The following HERC4 variants were observed in gnomAD, a reference collection of about 807,000 sequenced individuals.
HERC4 encodes probable E3 ubiquitin-protein ligase HERC4.
HERC4 carries 28 observed loss-of-function variants against 124.3 expected under a neutral mutation model. That is an observed-to-expected ratio of 0.23 (90% CI 0.17 to 0.31). The LOEUF (loss-of-function observed/expected upper bound fraction) is 0.31. Ranked by LOEUF, HERC4 falls within the 10% of genes least tolerant of loss-of-function variation. The probability of loss-of-function intolerance (pLI) is 1.00; values close to 1 mark genes in which losing one functional copy is unlikely to be tolerated. For missense variants in HERC4, 713 were observed against 1,229.3 expected, an observed-to-expected ratio of 0.58 and a Z score of 6.28; for synonymous variants, 407 against 421.5, an observed-to-expected ratio of 0.97 and a Z score of 0.42.
chr10:67,991,243 T>C, intron 11 of HERC4, 44 bp from the exon 12 acceptor site: 1 of 1,114,898 alleles, frequency 9.0e-7, no homozygotes, highest in Non-Finnish European at 1.3e-6. Flanking sequence ...AATCAGAAAT[T>C]TAATTGTTTA....
At chr10:67,927,420 A>T (rs1564911156) in intron 23 of HERC4, among the ~76,000 whole-genome samples, 25 of 8,236 alleles carry the variant, frequency 3.0e-3, no homozygotes, top group African/African-American at 6.4e-3. Flanking sequence ...ATATATATAT[A>T]TATATATATA....
At chr10:67,992,103 C>T (rs374554453) in intron 11 of HERC4, 96 bp downstream of exon 11, 3 of 1,170,738 alleles carry the variant, frequency 2.6e-6, no homozygotes, top group East Asian at 2.5e-5. Flanking sequence ...TGCCATGTTG[C>T]CCAGGCTGGT....
At chr10:67,968,441 C>T (rs1003203643) in intron 15 of HERC4, among the ~76,000 whole-genome samples, 7 of 149,570 alleles carry the variant, frequency 4.7e-5, no homozygotes, top group South Asian at 4.3e-4. Context: ...GGTGTGATCT[C>T]GGCTCACTGC....
At chr10:68,052,366 A>C (rs776359963) in intron 3 of HERC4, among the ~76,000 whole-genome samples, 1 of 152,000 alleles carries the variant, frequency 6.6e-6, no homozygotes, top group Non-Finnish European at 1.5e-5. Flanking sequence ...TTCTTAAAGA[A>C]AGACTTTCAT....
chr10:68,015,433 G>T (rs73263262), intron 8 of HERC4, among the ~76,000 whole-genome samples: 2 of 152,102 alleles, frequency 1.3e-5, no homozygotes, highest in Non-Finnish European at 2.9e-5. Flanking sequence ...TTTTGGAGTC[G>T]TTCTGTTTAG....
intron 9 of HERC4, among the ~76,000 whole-genome samples, chr10:67,996,581 C>T (rs1564525875): frequency 6.6e-6 from 1 of 152,116 alleles, no homozygotes; most frequent in Non-Finnish European, 1.5e-5. Flanking sequence ...TAATACTTAA[C>T]GTATTAGAAC....
At chr10:68,048,638 C>T (rs937079014) in intron 3 of HERC4, among the ~76,000 whole-genome samples, 14 of 151,998 alleles carry the variant, frequency 9.2e-5, no homozygotes, top group African/African-American at 2.2e-4. Flanking sequence ...TAAAAATGAA[C>T]GCTAAACTAT....
intron 3 of HERC4, among the ~76,000 whole-genome samples, chr10:68,051,489 CG>C (rs762345510): frequency 2.7e-4 from 41 of 150,758 alleles, no homozygotes; most frequent in Non-Finnish European, 5.0e-4. Flanking sequence ...GGACTACAAG[CG>C]CCCGCCACCA....
intron 3 of HERC4, chr10:68,070,028 T>C (rs755763484): frequency 3.2e-6 from 3 of 930,488 alleles, no homozygotes; most frequent in Non-Finnish European, 3.8e-6. Context: ...GGCAACAGAG[T>C]GAGACTCTGT....
intron 6 of HERC4, 61 bp from the exon 7 acceptor site, chr10:68,032,930 T>A: frequency 1.2e-6 from 1 of 858,130 alleles, no homozygotes. Flanking sequence ...TCTAGATGTG[T>A]TTCCTCTACA....
At chr10:68,063,254 G>A (rs962953917) in intron 3 of HERC4, among the ~76,000 whole-genome samples, 1 of 151,894 alleles carries the variant, frequency 6.6e-6, no homozygotes, top group Non-Finnish European at 1.5e-5. Context: ...CTGTAACCCA[G>A]GCTAGAGTGC....
At chr10:68,007,634 G>C (rs2037652444) in intron 9 of HERC4, 1 of 151,984 alleles carries the variant, frequency 6.6e-6, no homozygotes. Context: ...AAGGAATTGA[G>C]TGTAATGATC....
intron 15 of HERC4, among the ~76,000 whole-genome samples, chr10:67,974,922 G>A (rs546352910): frequency 9.9e-5 from 15 of 152,254 alleles, no homozygotes; most frequent in Non-Finnish European, 1.8e-4. Context: ...TGGGCGCAGT[G>A]GCTCATGCCT....
chr10:68,013,936 AT>A (rs1449448359), intron 9 of HERC4, 89 bp downstream of exon 9: 1 of 1,121,432 alleles, frequency 8.9e-7, no homozygotes, highest in Middle Eastern at 2.2e-4. Context: ...GTATCTTGGA[AT>A]TCTTTCGCAG....
chr10:68,072,050 A>T (rs1336910232), intron 3 of HERC4, among the ~76,000 whole-genome samples: 1 of 152,200 alleles, frequency 6.6e-6, no homozygotes, highest in Non-Finnish European at 1.5e-5. Flanking sequence ...GAAAATACTG[A>T]AGTGCCATTA....
At chr10:68,038,037 C>CA in intron 5 of HERC4, 56 bp downstream of exon 5, 3 of 987,970 alleles carry the variant, frequency 3.0e-6, no homozygotes, top group South Asian at 1.5e-5. Flanking sequence ...TATGCACAAT[C>CA]AAAAAAGTAT....
intron 19 of HERC4, among the ~76,000 whole-genome samples, chr10:67,946,950 A>G (rs1416576289): frequency 6.6e-6 from 1 of 152,164 alleles, no homozygotes; most frequent in Non-Finnish European, 1.5e-5. Flanking sequence ...ATGCACCCAT[A>G]CTGGACTGCC....
intron 10 of HERC4, 25 bp downstream of exon 10, chr10:67,992,581 A>C (rs779395092): frequency 3.8e-6 from 5 of 1,299,634 alleles, no homozygotes; most frequent in Non-Finnish European, 5.4e-6. Context: ...GAGCTATTTA[A>C]TTATTTACAT....
intron 8 of HERC4, among the ~76,000 whole-genome samples, chr10:68,020,462 AG>A (rs2038543573): frequency 6.6e-6 from 1 of 152,000 alleles, no homozygotes; most frequent in African/African-American, 2.4e-5. Context: ...TCAATCAAAA[AG>A]AAAAACTAAA....
Sources: allele counts gnomAD v4.1 joint callset (sites outside exome capture counted in the v4.1 genomes callset), GRCh38; gene constraint gnomAD v4.1.1; transcripts MANE v1.5; gene names NCBI Gene and HGNC (gene_info 2026-07-23, HGNC 2026-07-21).